LRP2BP: variants seen among roughly 807,000 people sequenced by gnomAD.
LRP2BP encodes the protein LRP2-binding protein.
Under a neutral mutation model 45.2 loss-of-function variants are expected in LRP2BP, and 38 were observed. That is an observed-to-expected ratio of 0.84 (90% confidence interval 0.65 to 1.10). The LOEUF (loss-of-function observed/expected upper bound fraction) is 1.10, where lower values mean the gene tolerates loss of function less well. LRP2BP is among the 50% of genes least tolerant of loss of function. The pLI is 0.00. For synonymous variants in LRP2BP, 153 were observed against 153.9 expected (o/e 0.99, Z 0.04); for missense variants, 385 against 418.9 (o/e 0.92, Z 0.71).
Position 185,370,511 on chromosome 4 carries a change from C to G in LRP2BP, c.978+129G>C, listed in dbSNP as rs980330025. 48 of 878,488 alleles carry G rather than the reference C, an allele frequency of 5.5e-5. No homozygotes were observed. In the South Asian group the frequency reaches 8.3e-4, roughly 15 times the overall value. 54.4% of individuals were successfully genotyped at this position (878,488 alleles called of 1,614,324 possible). ...AAACAATCTGCATGTCTGACAGCTT[C>G]TCTGTAGACAGAGGTTATCTGCACA... On this transcript the variant is annotated intron_variant, in intron 8 of 8. Transcript: ENST00000505916.
intron 1 of LRP2BP, among the ~76,000 whole-genome samples, chr4:185,384,887 TC>T (rs1036682094): frequency 5.5e-5 from 8 of 146,040 alleles, no homozygotes; most frequent in Non-Finnish European, 4.5e-5. Flanking sequence ...CCGCCCTGCA[TC>T]CCCCTCCCCG....
In LRP2BP at chr4:185,395,675, A is replaced by T. The variant is rs4862524; in HGVS notation, c.-918T>A. 3 of 984,722 alleles carry T rather than the reference A, an allele frequency of 3.0e-6. No homozygotes were observed. Among genetic ancestry groups the T allele is most frequent in the East Asian group, 2.3e-4 (2 of 8,820 alleles). 61.0% of individuals were successfully genotyped at this position (984,722 alleles called of 1,614,324 possible). On this transcript the variant is annotated 5_prime_UTR_variant, in exon 1 of 9. It introduces an in-frame stop codon into an upstream open reading frame of the 5' UTR. Coordinates refer to ENST00000505916, the MANE Select transcript of LRP2BP (RefSeq NM_001377440.1). Reference sequence around the variant, plus strand: ...TACCCCTTGGGTAACTAAGTATAACAACATAAACTTGCGATTGCAAATTTT... The same window carrying T: ...TACCCCTTGGGTAACTAAGTATAACTACATAAACTTGCGATTGCAAATTTT...
intron 7 of LRP2BP, among the ~76,000 whole-genome samples, chr4:185,371,388 A>G (rs947515848): frequency 6.6e-6 from 1 of 151,898 alleles, no homozygotes; most frequent in African/African-American, 2.4e-5. Flanking sequence ...AAAAGATACA[A>G]AAAATTAGCT....
intron 1 of LRP2BP, among the ~76,000 whole-genome samples, chr4:185,393,806 G>A (rs2126855947): frequency 6.6e-6 from 1 of 152,234 alleles, no homozygotes; most frequent in East Asian, 1.9e-4. Context: ...GATTACAGAC[G>A]TGAGCCACCA....
chr4:185,375,766 A>G, intron 3 of LRP2BP, 40 bp from the exon 4 acceptor site: 1 of 1,374,660 alleles, frequency 7.3e-7, no homozygotes, highest in Non-Finnish European at 1.0e-6. Flanking sequence ...TTTTATTATG[A>G]TCTTAAAGTA....
At chr4:185,371,977 C>T (rs1411765910) in intron 7 of LRP2BP, among the ~76,000 whole-genome samples, 1 of 152,158 alleles carries the variant, frequency 6.6e-6, no homozygotes, top group Non-Finnish European at 1.5e-5. Flanking sequence ...CCAGGTCTGT[C>T]TCCCCGACCC....
Position 185,375,602 on chromosome 4 carries a change from C to T in LRP2BP, c.330+11G>A. ...GAAATCTTAACCACTGTGACCAAGA[C>T]ATTAACTTACAGCGTCTAGAGTGGT... On this transcript the variant is annotated intron_variant, in intron 4 of 8. Transcript: ENST00000505916. 6.7e-7 allele frequency: 1 copy of T among 1,495,832 alleles called. No homozygotes were observed. The highest frequency in any genetic ancestry group is 9.0e-7 in the Non-Finnish European group (1 of 1,108,004). The allele number at this position is 1,495,832 out of a possible 1,614,324, so 92.7% of individuals were successfully genotyped here. A position where few individuals can be genotyped will look rare whatever the true frequency, so the allele number is the denominator to read the frequency against.
At chr4:185,368,367 T>C (rs1259115223) in intron 8 of LRP2BP, among the ~76,000 whole-genome samples, 1 of 152,110 alleles carries the variant, frequency 6.6e-6, no homozygotes, top group African/African-American at 2.4e-5. Flanking sequence ...CAGGTCCCAG[T>C]TACCATCTTA....
chr4:185,373,199 G>A, intron 6 of LRP2BP, 120 bp from the exon 7 acceptor site: 2 of 926,114 alleles, frequency 2.2e-6, no homozygotes, highest in South Asian at 1.7e-5. Context: ...CTCTAGGAAA[G>A]AGCGGTAGGC....
chr4:185,367,131 A>G lies in LRP2BP; in HGVS notation c.*49T>C, dbSNP rs773424934. 2 of 1,452,422 alleles carry G rather than the reference A, an allele frequency of 1.4e-6. No homozygotes were observed. The highest frequency in any genetic ancestry group is 2.4e-5 in the South Asian group (2 of 84,312). The allele number at this position is 1,452,422 out of a possible 1,614,324, so 90.0% of individuals were successfully genotyped here. On this transcript the variant is annotated 3_prime_UTR_variant, in exon 9 of 9. Transcript: ENST00000505916. ...AAACATAGCTACTGTAAAAATACAC[A>G]CATTGTGAGGTGTTAGCATTGATGA...
At chr4:185,375,494 A>ATATATATG (rs2095432217) in intron 4 of LRP2BP, 119 bp downstream of exon 4, 2 of 58,546 alleles carry the variant, frequency 3.4e-5, no homozygotes, top group Non-Finnish European at 5.5e-5. Context: ...AAAAATATAT[A>ATATATATG]TATATATATA....
chr4:185,381,953 A>C (rs185678664), intron 1 of LRP2BP, among the ~76,000 whole-genome samples: 153 of 152,336 alleles, frequency 1.0e-3, no homozygotes, highest in African/African-American at 3.6e-3. Flanking sequence ...AAAGTTGTGC[A>C]ATAATTACCG....
Position 185,374,311 on chromosome 4 carries a change from A to G in LRP2BP, c.473+8T>C, listed in dbSNP as rs369862691. 1.3e-5 allele frequency: 21 copies of G among 1,614,000 alleles called. No individual in the cohort carries two copies. Among genetic ancestry groups the G allele is most frequent in the Non-Finnish European group, 1.7e-5 (20 of 1,180,008 alleles). The stretch of plus-strand genomic sequence containing the variant: ...TTCAAACCTAATCTTGTTCTCAGGT[A>G]GGATTACCTTTCAGCTTCCTCATTT... On this transcript the variant is annotated splice_region_variant and intron_variant, in intron 5 of 8. Transcript: ENST00000505916.
intron 1 of LRP2BP, chr4:185,390,562 C>T (rs1159936029): frequency 2.6e-5 from 4 of 151,496 alleles, no homozygotes; most frequent in African/African-American, 9.7e-5. Context: ...AATTGAATTA[C>T]ATTTTATAAT....
chr4:185,396,681 C>G, upstream of LRP2BP: 1 of 530,030 alleles, frequency 1.9e-6, no homozygotes, highest in Non-Finnish European at 3.3e-6. Context: ...CCGGGCTCCA[C>G]GTGCCAGTGT....
At chr4:185,386,082 A>G (rs2095471039) in intron 1 of LRP2BP, among the ~76,000 whole-genome samples, 1 of 152,228 alleles carries the variant, frequency 6.6e-6, no homozygotes, top group Non-Finnish European at 1.5e-5. Context: ...CTGAAATGAA[A>G]AACAAAACAA....
chr4:185,378,769 C>A, intron 1 of LRP2BP: 1 of 985,482 alleles, frequency 1.0e-6, no homozygotes, highest in Non-Finnish European at 1.2e-6. Flanking sequence ...GTAGCGGTCA[C>A]CTCATTTGGG....
Position 185,370,775 on chromosome 4 carries a change from G to A in LRP2BP, c.843C>T (p.Ile281=), listed in dbSNP as rs775396907. The A allele has an allele frequency of 1.4e-5, 23 of 1,613,986 alleles. No individual in the cohort carries two copies. Among genetic ancestry groups the A allele is most frequent in the East Asian group, 4.5e-5 (2 of 44,888 alleles). Residue 281 remains isoleucine (I), a synonymous_variant, in exon 8 of 9, where the codon ATC becomes ATT. Coordinates refer to ENST00000505916, the MANE Select transcript of LRP2BP (RefSeq NM_001377440.1). ...DYDEVHDIPM[I]AQVTDCLPEF... is the part of the protein sequence containing the mutation. The stretch of plus-strand genomic sequence containing the variant: ...CCGGGAGACAGTCTGTGACCTGGGC[G>A]ATCATGGGGATGTCGTGAACCTCAT...
At chr4:185,386,965 G>C (rs1303397196) in intron 1 of LRP2BP, among the ~76,000 whole-genome samples, 1 of 152,208 alleles carries the variant, frequency 6.6e-6, no homozygotes, top group East Asian at 1.9e-4. Context: ...CATTGTGTTG[G>C]CAGGGTGCAG....
Sources: allele counts gnomAD v4.1 joint callset (sites outside exome capture counted in the v4.1 genomes callset), GRCh38; gene constraint gnomAD v4.1.1; transcripts MANE v1.5; gene names NCBI Gene and HGNC (gene_info 2026-07-23, HGNC 2026-07-21).